The following SCP2 variants were observed in gnomAD, a reference collection of about 807,000 sequenced individuals.
The protein encoded by SCP2 is sterol carrier protein 2.
Under a neutral mutation model 71.4 loss-of-function variants are expected in SCP2, and 48 were observed. The ratio of observed to expected loss-of-function variants is 0.67; its 90% CI spans 0.53 to 0.86. The LOEUF (loss-of-function observed/expected upper bound fraction) is 0.86, where lower values mean the gene tolerates loss of function less well. SCP2 is among the 40% of genes least tolerant of loss of function. The probability of loss-of-function intolerance (pLI) is 0.00; values close to 1 mark genes in which losing one functional copy is unlikely to be tolerated. For missense variants in SCP2, 560 were observed against 655.6 expected (o/e 0.85, Z 1.59); for synonymous variants, 220 against 218.1 (o/e 1.01, Z -0.08).
intron 2 of SCP2, among the ~76,000 whole-genome samples, chr1:52,944,792 T>C (rs75746484): frequency 0.056 from 8,567 of 151,720 alleles, 389 homozygotes; most frequent in African/African-American, 0.12. Context: ...GAGGCCGAGG[T>C]GGGCGGAGCA....
intron 12 of SCP2, among the ~76,000 whole-genome samples, chr1:53,025,074 A>C (rs72903119): frequency 6.6e-6 from 1 of 151,962 alleles, no homozygotes; most frequent in African/African-American, 2.4e-5. Flanking sequence ...TCAATTCACT[A>C]TAATCTGACT....
intron 12 of SCP2, among the ~76,000 whole-genome samples, chr1:53,026,368 G>A (rs1662132132): frequency 6.6e-6 from 1 of 152,138 alleles, no homozygotes; most frequent in Admixed American, 6.5e-5. Context: ...GGTACAGTTT[G>A]CAGTTATTTT....
chr1:52,951,812 G>A (rs1655343380), intron 4 of SCP2, among the ~76,000 whole-genome samples: 1 of 151,846 alleles, frequency 6.6e-6, no homozygotes. Context: ...CACCTCCCGG[G>A]TTCAAGTGAT....
intron 14 of SCP2, among the ~76,000 whole-genome samples, chr1:53,046,758 G>A (rs1033925547): frequency 2.6e-5 from 4 of 152,180 alleles, no homozygotes; most frequent in Non-Finnish European, 4.4e-5. Context: ...GCAGAATTGG[G>A]TAGTTGTGAT....
intron 13 of SCP2, among the ~76,000 whole-genome samples, chr1:53,037,952 C>CATACACACAT (rs1663124828): frequency 2.8e-4 from 1 of 3,532 alleles, no homozygotes; most frequent in South Asian, 3.0e-3. Context: ...TGTCTCTATA[C>CATACACACAT]ACACACACAC....
At chr1:52,996,433 C>T (rs1186178091) in intron 11 of SCP2, among the ~76,000 whole-genome samples, 2 of 152,200 alleles carry the variant, frequency 1.3e-5, no homozygotes, top group Non-Finnish European at 2.9e-5. Context: ...AGGTAGAAGT[C>T]ACTGCAAGGA....
At chr1:53,014,361 A>G (rs1286495914) in intron 11 of SCP2, among the ~76,000 whole-genome samples, 1 of 152,208 alleles carries the variant, frequency 6.6e-6, no homozygotes, top group Non-Finnish European at 1.5e-5. Flanking sequence ...CAGTGTTTAC[A>G]TCAGTAAGTT....
intron 11 of SCP2, among the ~76,000 whole-genome samples, chr1:53,004,203 C>T (rs540397557): frequency 2.6e-5 from 4 of 152,168 alleles, no homozygotes; most frequent in Non-Finnish European, 5.9e-5. Flanking sequence ...CTACTCAGAA[C>T]AGCATGCAAC....
intron 14 of SCP2, among the ~76,000 whole-genome samples, chr1:53,042,132 A>C (rs1320052985): frequency 6.6e-6 from 1 of 152,158 alleles, no homozygotes; most frequent in East Asian, 1.9e-4. Flanking sequence ...TTCCTTCCAA[A>C]ATGAATGGGA....
chr1:52,977,687 G>C (rs1018254570), intron 8 of SCP2, among the ~76,000 whole-genome samples: 1 of 152,192 alleles, frequency 6.6e-6, no homozygotes, highest in Non-Finnish European at 1.5e-5. Context: ...GGGGCTGGGC[G>C]TGGTAGCTCA....
intron 11 of SCP2, chr1:52,993,868 G>A: frequency 1.4e-6 from 2 of 1,474,384 alleles, no homozygotes; most frequent in South Asian, 2.7e-5. Context: ...TCATATGATA[G>A]TATTCCTAAG....
intron 5 of SCP2, among the ~76,000 whole-genome samples, chr1:52,957,053 G>A (rs1321614411): frequency 1.3e-5 from 2 of 151,936 alleles, no homozygotes; most frequent in African/African-American, 2.4e-5. Flanking sequence ...GGGACTACAG[G>A]TGCCCGCCAC....
intron 13 of SCP2, among the ~76,000 whole-genome samples, chr1:53,031,084 A>T (rs1273408480): frequency 1.3e-5 from 2 of 152,146 alleles, no homozygotes; most frequent in African/African-American, 4.8e-5. Context: ...AGAGGAACAC[A>T]TAGGATAGTG....
rs536398330 is a variant in SCP2 at position 52,941,819 on chromosome 1, T to A, written c.93T>A (p.Asn31Lys). ...AGTTTGTGAAGCCTGGAGCTGAGAA[T>A]TCAAGAGACTACCCTGACTTGGCAG... Reference protein sequence around the residue: ...MTKFVKPGAENSRDYPDLAEE... With the variant: ...MTKFVKPGAEKSRDYPDLAEE... Residue 31 changes from asparagine (N) to lysine (K), a missense_variant, in exon 2 of 16, where the codon AAT becomes AAA. Around this residue, in one of 3 missense-constraint regions of SCP2, gnomAD observed 513 missense variants for 573.1 expected, o/e 0.90. Transcript: ENST00000371514. 1 of 1,606,750 alleles carries A rather than the reference T, an allele frequency of 6.2e-7. No individual in the cohort carries two copies. Among genetic ancestry groups the A allele is most frequent in the Admixed American group, 1.7e-5 (1 of 60,010 alleles).
chr1:52,995,987 G>A (rs963620425), intron 11 of SCP2: 3 of 1,405,224 alleles, frequency 2.1e-6, no homozygotes, highest in African/African-American at 1.5e-5. Flanking sequence ...CCACAGAAGA[G>A]GAGGAGGATT....
intron 6 of SCP2, among the ~76,000 whole-genome samples, chr1:52,965,717 C>A (rs1435231440): frequency 6.6e-6 from 1 of 152,110 alleles, no homozygotes; most frequent in Admixed American, 6.5e-5. Flanking sequence ...TTACTGCAAT[C>A]TCCATCTCCT....
Position 53,050,635 on chromosome 1 carries a change from C to A in SCP2, c.1575C>A (p.Ile525=). 6.2e-7 allele frequency: 1 copy of A among 1,613,526 alleles called. No homozygotes were observed. The highest frequency in any genetic ancestry group is 1.1e-5 in the South Asian group (1 of 91,064). Residue 525 remains isoleucine (I), a synonymous_variant, in exon 16 of 16, where the codon ATC becomes ATA. Coordinates refer to ENST00000371514, the MANE Select transcript of SCP2 (RefSeq NM_002979.5). ...CCTTCTTTCAAGGCAAATTGAAAAT[C>A]ACTGGCAACATGGGTCTCGCTATGA... is the stretch of plus-strand genomic sequence containing the variant. ...QSAFFQGKLK[I]TGNMGLAMKL... is the part of the protein sequence containing the mutation.
At position 53,033,811 on chromosome 1, in the gene SCP2, C is replaced by A. The variant is rs141091784; in HGVS notation, c.1339-5106C>A. 1.4e-3 allele frequency among the ~76,000 whole-genome samples: 219 copies of A among 152,056 alleles called. 8 individuals are homozygous for A. The East Asian group carries it at 0.039, about 27-fold the overall frequency. On this transcript the variant is annotated intron_variant, in intron 13 of 15. Transcript: ENST00000371514. The stretch of plus-strand genomic sequence containing the variant: ...AGCAATTACACTTCTAGATATGTAA[C>A]CAAAAGAAATTAGGAGCCTATGTTC...
intron 6 of SCP2, among the ~76,000 whole-genome samples, chr1:52,962,368 G>A (rs1488671653): frequency 6.6e-6 from 1 of 152,066 alleles, no homozygotes; most frequent in Non-Finnish European, 1.5e-5. Context: ...TTTCGCACCT[G>A]AAATTTAGGA....
Sources: gnomAD v4.1 joint callset for allele counts (sites outside exome capture counted in the v4.1 genomes callset) on GRCh38, gnomAD v4.1.1 for gene constraint, gnomAD v4.1.1 regional missense constraint, MANE v1.5 for transcripts, NCBI Gene and HGNC (gene_info 2026-07-23, HGNC 2026-07-21) for gene names.